IGSF11: variants seen among roughly 807,000 people sequenced by gnomAD.
IGSF11 encodes immunoglobulin superfamily member 11.
In IGSF11, 22 loss-of-function variants were observed where a neutral mutation model predicts 41.0. The observed-to-expected ratio is 0.54, with a 90% CI of 0.38 to 0.77. The LOEUF (loss-of-function observed/expected upper bound fraction) is 0.77. IGSF11 is among the 30% of genes least tolerant of loss of function. The pLI, the probability that IGSF11 is intolerant of heterozygous loss-of-function variation, is 0.00. For missense variants in IGSF11, 444 were observed against 530.8 expected (o/e 0.84, Z 1.61); for synonymous variants, 219 against 201.3 (o/e 1.09, Z -0.74).
chr3:119,123,621 T>C (rs778003464), intron 1 of IGSF11, among the ~76,000 whole-genome samples: 12 of 152,160 alleles, frequency 7.9e-5, no homozygotes, highest in Non-Finnish European at 1.6e-4. Flanking sequence ...ACAGGGCTGC[T>C]TCTGTCATCC....
intron 1 of IGSF11, among the ~76,000 whole-genome samples, chr3:118,965,881 T>C (rs1370260949): frequency 6.6e-6 from 1 of 152,048 alleles, no homozygotes; most frequent in Non-Finnish European, 1.5e-5. Context: ...GAAAGAAAGA[T>C]GACGAAAGGA....
chr3:118,972,314 T>C (rs1933539370), intron 1 of IGSF11, among the ~76,000 whole-genome samples: 3 of 152,242 alleles, frequency 2.0e-5, no homozygotes, highest in Admixed American at 6.5e-5. Flanking sequence ...TACTAACCTA[T>C]AATTAATCTC....
intron 1 of IGSF11, among the ~76,000 whole-genome samples, chr3:118,951,537 A>C (rs1015881821): frequency 6.6e-6 from 1 of 152,180 alleles, no homozygotes; most frequent in Non-Finnish European, 1.5e-5. Flanking sequence ...GAAAGCTTCA[A>C]GTGATATTTC....
At chr3:118,941,452 A>G (rs1943695113) in intron 1 of IGSF11, among the ~76,000 whole-genome samples, 1 of 152,204 alleles carries the variant, frequency 6.6e-6, no homozygotes, top group African/African-American at 2.4e-5. Context: ...AGAATATATT[A>G]TATTAACACG....
At chr3:118,978,085 G>A (rs955126656) in intron 1 of IGSF11, among the ~76,000 whole-genome samples, 20 of 152,166 alleles carry the variant, frequency 1.3e-4, no homozygotes, top group African/African-American at 4.6e-4. Flanking sequence ...CCCAGGGAAA[G>A]CAACCAAGCT....
At chr3:119,073,175 T>G (rs1472221838) in intron 1 of IGSF11, among the ~76,000 whole-genome samples, 1 of 152,096 alleles carries the variant, frequency 6.6e-6, no homozygotes, top group Non-Finnish European at 1.5e-5. Context: ...GACATAAAGG[T>G]TCTCCAAGTC....
chr3:119,128,982 C>CA (rs371571288), intron 1 of IGSF11, among the ~76,000 whole-genome samples: 45 of 152,266 alleles, frequency 3.0e-4, no homozygotes, highest in African/African-American at 1.1e-3. Flanking sequence ...ACTATGAAGC[C>CA]ATAAAAAATG....
chr3:118,968,261 C>G (rs1471162856), intron 1 of IGSF11, among the ~76,000 whole-genome samples: 1 of 152,156 alleles, frequency 6.6e-6, no homozygotes, highest in African/African-American at 2.4e-5. Context: ...TGAACGAGAA[C>G]AGAGTGACAT....
At chr3:119,100,415 C>T (rs557087730) in intron 1 of IGSF11, among the ~76,000 whole-genome samples, 9 of 152,158 alleles carry the variant, frequency 5.9e-5, no homozygotes, top group Non-Finnish European at 1.3e-4. Flanking sequence ...GTCCCTGAGG[C>T]TTTGAGTCTA....
At chr3:119,131,415 T>C (rs1185266306) in intron 1 of IGSF11, among the ~76,000 whole-genome samples, 1 of 152,092 alleles carries the variant, frequency 6.6e-6, no homozygotes, top group African/African-American at 2.4e-5. Context: ...GTACACAAGC[T>C]TCACAGCAGA....
At chr3:118,967,977 A>G (rs1454150135) in intron 1 of IGSF11, among the ~76,000 whole-genome samples, 1 of 150,748 alleles carries the variant, frequency 6.6e-6, no homozygotes, top group Non-Finnish European at 1.5e-5. Context: ...TCCAGTAGGA[A>G]AGAGAGAGAG....
chr3:119,003,507 T>C (rs1937125256), intron 1 of IGSF11, among the ~76,000 whole-genome samples: 1 of 151,128 alleles, frequency 6.6e-6, no homozygotes, highest in Non-Finnish European at 1.5e-5. Context: ...CTTCCAACAC[T>C]ATGTTGAATA....
At chr3:119,110,128 C>T (rs1490402084), upstream of IGSF11, among the ~76,000 whole-genome samples, 1 of 152,108 alleles carries the variant, frequency 6.6e-6, no homozygotes, top group Non-Finnish European at 1.5e-5. Flanking sequence ...GAGCTGAGTT[C>T]AATTCCTGGG....
chr3:119,035,847 T>C (rs779661545), upstream of IGSF11, among the ~76,000 whole-genome samples: 12 of 152,220 alleles, frequency 7.9e-5, no homozygotes, highest in Non-Finnish European at 1.8e-4. Context: ...CAACCCATTT[T>C]GGTCAGTTTC....
intron 1 of IGSF11, among the ~76,000 whole-genome samples, chr3:119,133,934 C>T (rs949080156): frequency 6.6e-6 from 1 of 152,142 alleles, no homozygotes; most frequent in Non-Finnish European, 1.5e-5. Flanking sequence ...AATCAATAAA[C>T]GTAATCCATC....
chr3:118,909,066 A>G (rs1939953848), intron 4 of IGSF11, among the ~76,000 whole-genome samples: 1 of 152,224 alleles, frequency 6.6e-6, no homozygotes, highest in Admixed American at 6.5e-5. Context: ...TGGTACTTCT[A>G]GGGGAACTGA....
At chr3:119,044,250 G>C (rs929075322) in intron 1 of IGSF11, among the ~76,000 whole-genome samples, 3 of 152,106 alleles carry the variant, frequency 2.0e-5, no homozygotes, top group East Asian at 1.9e-4. Context: ...GACATACTTA[G>C]AGAAATGCAA....
chr3:119,110,942 G>A (rs12493313), intron 1 of IGSF11, among the ~76,000 whole-genome samples: 11,098 of 151,644 alleles, frequency 0.073, 509 homozygotes, highest in Admixed American at 0.16. Flanking sequence ...GGCTTGTAGA[G>A]TTTCTGCCGA....
intron 1 of IGSF11, among the ~76,000 whole-genome samples, chr3:118,973,151 A>C (rs1446337210): frequency 1.3e-5 from 2 of 152,192 alleles, no homozygotes; most frequent in Non-Finnish European, 2.9e-5. Flanking sequence ...CCCGCCCAGC[A>C]GGGAGCAGAG....
Sources: gnomAD v4.1 joint callset for allele counts (sites outside exome capture counted in the v4.1 genomes callset) on GRCh38, gnomAD v4.1.1 for gene constraint, MANE v1.5 for transcripts, NCBI Gene and HGNC (gene_info 2026-07-23, HGNC 2026-07-21) for gene names.